Variants in WDR76 observed in about 807,000 individuals in gnomAD.
WDR76 encodes WD repeat-containing protein 76.
Under a neutral mutation model 70.2 loss-of-function variants are expected in WDR76, and 52 were observed. That is an observed-to-expected ratio of 0.74 (90% confidence interval 0.59 to 0.93). WDR76 has a LOEUF of 0.93. WDR76 is among the 40% of genes least tolerant of loss of function. The pLI, the probability that WDR76 is intolerant of heterozygous loss-of-function variation, is 0.00. For synonymous variants in WDR76, 292 were observed against 271.1 expected (o/e 1.08, Z -0.76); for missense variants, 756 against 760.2 (o/e 0.99, Z 0.07).
At chr15:43,828,607 C>CT (rs2087547913) in intron 2 of WDR76, among the ~76,000 whole-genome samples, 1 of 152,036 alleles carries the variant, frequency 6.6e-6, no homozygotes, top group Non-Finnish European at 1.5e-5. Flanking sequence ...ACTCTGCTTC[C>CT]TTTTTTCTTT....
At chr15:43,842,120 C>A (rs931246677) in intron 5 of WDR76, among the ~76,000 whole-genome samples, 2 of 152,178 alleles carry the variant, frequency 1.3e-5, no homozygotes, top group East Asian at 1.9e-4. Flanking sequence ...CCTGCCTCGG[C>A]CTGCCAAAGT....
intron 2 of WDR76, among the ~76,000 whole-genome samples, chr15:43,831,232 A>T (rs1006225126): frequency 6.6e-6 from 1 of 151,978 alleles, no homozygotes; most frequent in Non-Finnish European, 1.5e-5. Context: ...CTCTTGTTTT[A>T]AAAAAGTAAA....
intron 5 of WDR76, among the ~76,000 whole-genome samples, chr15:43,841,499 A>G (rs1449373501): frequency 5.3e-5 from 8 of 151,920 alleles, no homozygotes; most frequent in Admixed American, 4.6e-4. Flanking sequence ...CGGCCCACGC[A>G]TGGCTAATTT....
chr15:43,833,778 A>G (rs949796291), intron 2 of WDR76, among the ~76,000 whole-genome samples: 2 of 152,050 alleles, frequency 1.3e-5, no homozygotes, highest in African/African-American at 4.8e-5. Flanking sequence ...CTGGGACTAC[A>G]GGCGTGTGTC....
chr15:43,838,130 C>T (rs1377018081), intron 4 of WDR76, among the ~76,000 whole-genome samples: 1 of 152,134 alleles, frequency 6.6e-6, no homozygotes, highest in Non-Finnish European at 1.5e-5. Context: ...GCCTCGGCCT[C>T]CCAAAGTGCT....
chr15:43,830,353 G>GCA (rs1308969119), intron 2 of WDR76, among the ~76,000 whole-genome samples: 1 of 151,770 alleles, frequency 6.6e-6, no homozygotes, highest in Non-Finnish European at 1.5e-5. Context: ...ACCTGAGGTG[G>GCA]GGAGTTTGAG....
chr15:43,827,066 G>A lies in WDR76; in HGVS notation c.34G>A (p.Asp12Asn), dbSNP rs542981699. 5 of 1,614,200 alleles carry A rather than the reference G, an allele frequency of 3.1e-6. No homozygotes were observed. In the African/African-American group the frequency reaches 4.0e-5, roughly 13 times the overall value. The change falls in exon 1 of 13, where the codon GAC becomes AAC. Residue 12 changes from aspartate to asparagine, a missense_variant. Asp to Asn is a conservative substitution (Grantham distance 23). Transcript: ENST00000263795. Reference protein sequence around the residue: ...SRSGAAAEKADSRQRPQMKVN... With the variant: ...SRSGAAAEKANSRQRPQMKVN... Reference sequence around the variant, plus strand: ...GTCGGGCGCGGCGGCTGAGAAGGCGGACTCCAGACAGCGACCCCAGATGAA... The same window carrying A: ...GTCGGGCGCGGCGGCTGAGAAGGCGAACTCCAGACAGCGACCCCAGATGAA...
At chr15:43,850,983 G>A (rs2087850374) in intron 8 of WDR76, 104 bp from the exon 9 acceptor site, 21 of 1,388,134 alleles carry the variant, frequency 1.5e-5, no homozygotes, top group Non-Finnish European at 2.1e-5. Flanking sequence ...AGAAAAGACT[G>A]AATATAATCC....
chr15:43,832,757 T>G (rs1047883970), intron 2 of WDR76, among the ~76,000 whole-genome samples: 2 of 135,282 alleles, frequency 1.5e-5, no homozygotes, highest in Admixed American at 7.7e-5. Flanking sequence ...TTTTTTTTTT[T>G]TTTTTTTTTT....
intron 2 of WDR76, among the ~76,000 whole-genome samples, chr15:43,833,609 G>GC (rs1432662737): frequency 7.0e-6 from 1 of 143,512 alleles, no homozygotes; most frequent in Non-Finnish European, 1.5e-5. Context: ...GTGAGCCACT[G>GC]CTCCCAGCCC....
At chr15:43,841,193 G>GTTTT (rs1419399531) in intron 5 of WDR76, among the ~76,000 whole-genome samples, 20 of 118,788 alleles carry the variant, frequency 1.7e-4, no homozygotes, top group South Asian at 5.4e-4. Context: ...GCTAAGTTTT[G>GTTTT]TTTTTTTGTT....
intron 9 of WDR76, among the ~76,000 whole-genome samples, chr15:43,854,703 C>A (rs2040720025): frequency 6.6e-6 from 1 of 151,874 alleles, no homozygotes. Context: ...AATCCCAGCG[C>A]TTTGGGAGGC....
intron 5 of WDR76, 101 bp downstream of exon 5, chr15:43,839,829 A>G: frequency 7.7e-7 from 1 of 1,301,154 alleles, no homozygotes; most frequent in Non-Finnish European, 1.0e-6. Flanking sequence ...GTTTAATTTT[A>G]TATTTCATTA....
intron 4 of WDR76, among the ~76,000 whole-genome samples, chr15:43,837,675 T>C (rs1232269780): frequency 1.3e-5 from 2 of 152,104 alleles, no homozygotes; most frequent in African/African-American, 4.8e-5. Flanking sequence ...ATTTAAATTT[T>C]TTGAAAATTA....
At position 43,835,291 on chromosome 15, in the gene WDR76, ACCCGCCCCCCGCCC is replaced by A. The variant is rs67611508; in HGVS notation, c.552+152_552+165del. ...AGATCAGCCTGGGTAACATACGGAGACCCGCCCCCCGCCCCCCGCCCCCCACCCCAATCTCTATA... is the reference window on the plus strand; with the variant it reads ...AGATCAGCCTGGGTAACATACGGAGACCCGCCCCCCACCCCAATCTCTATA... On this transcript the variant is annotated intron_variant, in intron 3 of 12. Transcript: ENST00000263795. The A allele has an allele frequency of 6.7e-5, 36 of 538,744 alleles. 1 individual carries two copies. Among genetic ancestry groups the A allele is most frequent in the Middle Eastern group, 5.1e-4 (1 of 1,950 alleles). The allele number at this position is 538,744 out of a possible 1,614,324, so 33.4% of individuals were successfully genotyped here.
intron 1 of WDR76, among the ~76,000 whole-genome samples, chr15:43,827,479 G>A (rs1371951722): frequency 6.6e-6 from 1 of 152,166 alleles, no homozygotes; most frequent in Non-Finnish European, 1.5e-5. Flanking sequence ...TGAGGTTAAG[G>A]TTAGTGAATT....
rs1375466557 is a variant in WDR76, at chr15:43,828,315, T to C, written c.411T>C (p.Asp137=). The change falls in exon 2 of 13, where the codon GAT becomes GAC. Residue 137 remains aspartate, a synonymous_variant. Coordinates refer to ENST00000263795, the MANE Select transcript of WDR76 (RefSeq NM_024908.4). ...CAGATGCGATGAATCTCAGTGTTGA[T>C]GTGGAAAGTAGTCAGGATGGAGACA... ...RTADAMNLSV[D]VESSQDGDSD... 6.2e-7 allele frequency: 1 copy of C among 1,614,052 alleles called. No homozygotes were observed. Among genetic ancestry groups the C allele is most frequent in the South Asian group, 1.1e-5 (1 of 91,054 alleles).
chr15:43,838,360 A>G (rs2087683684), intron 4 of WDR76, among the ~76,000 whole-genome samples: 1 of 151,312 alleles, frequency 6.6e-6, no homozygotes, highest in Admixed American at 6.6e-5. Context: ...TAAATTTTGT[A>G]TTTTTAGTAG....
At chr15:43,839,950 C>A (rs1415708125) in intron 5 of WDR76, among the ~76,000 whole-genome samples, 1 of 152,090 alleles carries the variant, frequency 6.6e-6, no homozygotes, top group East Asian at 1.9e-4. Flanking sequence ...CCCCTCCTCC[C>A]GTGTTCAAGC....
Sources: gnomAD v4.1 joint callset for allele counts (sites outside exome capture counted in the v4.1 genomes callset) on GRCh38, gnomAD v4.1.1 for gene constraint, MANE v1.5 for transcripts, NCBI Gene and HGNC (gene_info 2026-07-23, HGNC 2026-07-21) for gene names.